RMST: variants seen among roughly 807,000 people sequenced by gnomAD.
RMST encodes the protein rhabdomyosarcoma 2 associated transcript, also known as long intergenic non-protein coding RNA 54.
intron 10 of RMST, among the ~76,000 whole-genome samples, chr12:97,497,808 A>G (rs1368577176): frequency 6.6e-6 from 1 of 152,070 alleles, no homozygotes; most frequent in Non-Finnish European, 1.5e-5. Context: ...TGGTGAGGAG[A>G]TGGGGAAGGA....
intron 11 of RMST, among the ~76,000 whole-genome samples, chr12:97,550,807 A>C (rs1883259360): frequency 6.6e-6 from 1 of 152,156 alleles, no homozygotes; most frequent in South Asian, 2.1e-4. Flanking sequence ...CATACATGCA[A>C]AATGCAAAAG....
intron 5 of RMST, among the ~76,000 whole-genome samples, chr12:97,469,141 AGTGTGTGTGTGTGTGT>A (rs10585876): frequency 1.1e-3 from 147 of 138,412 alleles, no homozygotes; most frequent in African/African-American, 3.6e-3. Flanking sequence ...AAGAGAAACC[AGTGTGTGTGTGTGTGT>A]GTGTGTGTGT....
At position 97,512,933 on chromosome 12, in the gene RMST, G is replaced by A. The variant is rs573374911; in HGVS notation, n.1340+16877G>A. Among the ~76,000 whole-genome samples, 26 of 152,330 alleles carry A rather than the reference G, an allele frequency of 1.7e-4. No homozygotes were observed. In the South Asian group the frequency reaches 4.8e-3, roughly 28 times the overall value. ...CTGCAGGTCGGGAGCCCTGCCCAGC[G>A]GGAAGGCAGCTAAGGCCAGGTGAGA... On this transcript the variant is annotated intron_variant and non_coding_transcript_variant, in intron 10 of 13. Coordinates refer to ENST00000640149, the Ensembl canonical transcript of RMST.
At chr12:97,557,348 G>A (rs1455780023) in intron 11 of RMST, among the ~76,000 whole-genome samples, 1 of 152,130 alleles carries the variant, frequency 6.6e-6, no homozygotes, top group Non-Finnish European at 1.5e-5. Context: ...ATTCAGCTGT[G>A]TGTATGTCTG....
At chr12:97,535,486 A>C (rs906127743) in intron 11 of RMST, among the ~76,000 whole-genome samples, 5 of 151,580 alleles carry the variant, frequency 3.3e-5, no homozygotes, top group Non-Finnish European at 7.4e-5. Flanking sequence ...ACTATGTTTC[A>C]GGTACTCCCC....
intron 11 of RMST, among the ~76,000 whole-genome samples, chr12:97,541,599 C>A (rs980681644): frequency 1.3e-5 from 2 of 150,954 alleles, no homozygotes; most frequent in East Asian, 2.0e-4. Flanking sequence ...ATGGAGTGGG[C>A]GAGTTAGAAA....
intron 11 of RMST, among the ~76,000 whole-genome samples, chr12:97,555,908 A>G (rs1314372382): frequency 1.3e-5 from 2 of 152,190 alleles, no homozygotes; most frequent in East Asian, 3.8e-4. Context: ...GTTCCTCTGA[A>G]GCTCTAACTT....
At chr12:97,522,773 G>A (rs1255898606) in intron 10 of RMST, among the ~76,000 whole-genome samples, 1 of 151,992 alleles carries the variant, frequency 6.6e-6, no homozygotes, top group African/African-American at 2.4e-5. Context: ...TGTGGTACTT[G>A]GTTGTATGGT....
At chr12:97,498,497 C>T (rs370999253) in intron 10 of RMST, among the ~76,000 whole-genome samples, 5 of 152,154 alleles carry the variant, frequency 3.3e-5, no homozygotes, top group Admixed American at 2.0e-4. Context: ...AAGGGGTTGA[C>T]GAGTCTTAGC....
chr12:97,522,812 A>T lies in RMST; in HGVS notation n.1341-7843A>T, dbSNP rs968637197. ...TATTTTCTTACCATAAATTTCAGTCAAAAAAGCCTGAAAAAACAAAACATC... is the reference window on the plus strand; with the variant it reads ...TATTTTCTTACCATAAATTTCAGTCTAAAAAGCCTGAAAAAACAAAACATC... On this transcript the variant is annotated intron_variant and non_coding_transcript_variant, in intron 10 of 13. Coordinates refer to ENST00000640149, the Ensembl canonical transcript of RMST. Among the ~76,000 whole-genome samples the T allele has an allele frequency of 2.0e-5, 3 of 152,182 alleles. No individual in the cohort carries two copies. In the East Asian group the frequency reaches 5.8e-4, roughly 29 times the overall value.
intron 6 of RMST, chr12:97,493,044 CAGAAAAAA>C (rs1384689693): frequency 1.3e-5 from 2 of 152,238 alleles, no homozygotes; most frequent in Admixed American, 6.6e-5. Context: ...AGTAATGGCT[CAGAAAAAA>C]TCAAGCAAAG....
intron 5 of RMST, among the ~76,000 whole-genome samples, chr12:97,468,577 T>C (rs1424863192): frequency 6.6e-6 from 1 of 152,016 alleles, no homozygotes; most frequent in African/African-American, 2.4e-5. Context: ...GAGTTCATAG[T>C]TCAAATGCAG....
intron 10 of RMST, among the ~76,000 whole-genome samples, chr12:97,503,495 A>AG (rs1209664122): frequency 6.6e-6 from 1 of 152,172 alleles, no homozygotes; most frequent in East Asian, 1.9e-4. Flanking sequence ...TTAAAAAAAA[A>AG]TAAGCACTTT....
chr12:97,524,792 A>G (rs1257317418), intron 10 of RMST, among the ~76,000 whole-genome samples: 1 of 152,238 alleles, frequency 6.6e-6, no homozygotes, highest in East Asian at 1.9e-4. Flanking sequence ...GGAAGAAACT[A>G]TGACACTTGA....
intron 11 of RMST, among the ~76,000 whole-genome samples, chr12:97,554,243 C>T (rs926889387): frequency 5.3e-5 from 8 of 152,108 alleles, no homozygotes; most frequent in Admixed American, 2.6e-4. Flanking sequence ...CACGAGCTAC[C>T]GCGCCCAGCC....
intron 10 of RMST, among the ~76,000 whole-genome samples, chr12:97,519,041 G>A (rs1880241589): frequency 6.6e-6 from 1 of 152,140 alleles, no homozygotes; most frequent in African/African-American, 2.4e-5. Flanking sequence ...GCCTCCCAAA[G>A]TGTCGGGATT....
intron 11 of RMST, among the ~76,000 whole-genome samples, chr12:97,534,622 A>G (rs1881922254): frequency 6.6e-6 from 1 of 151,748 alleles, no homozygotes; most frequent in Non-Finnish European, 1.5e-5. Flanking sequence ...ATACTTTGCT[A>G]AATCCCAGAT....
intron 10 of RMST, among the ~76,000 whole-genome samples, chr12:97,530,105 T>C (rs146715053): frequency 6.6e-6 from 1 of 152,238 alleles, no homozygotes; most frequent in East Asian, 1.9e-4. Context: ...GCTACCTCGT[T>C]GTAAAGCTGG....
intron 4 of RMST, chr12:97,463,335 G>A (rs1872790977): frequency 6.6e-6 from 1 of 152,210 alleles, no homozygotes; most frequent in Non-Finnish European, 1.5e-5. Context: ...TGCACTTTGT[G>A]TCTGCAACAT....
Sources: allele counts gnomAD v4.1 joint callset (sites outside exome capture counted in the v4.1 genomes callset), GRCh38; gene constraint gnomAD v4.1.1; transcripts MANE v1.5; gene names NCBI Gene and HGNC (gene_info 2026-07-23, HGNC 2026-07-21).